Variants in CPQ observed in about 807,000 individuals in gnomAD.
CPQ encodes the protein carboxypeptidase Q.
A neutral mutation model predicts 45.7 loss-of-function variants in CPQ; 37 were observed. The ratio of observed to expected loss-of-function variants is 0.81; its 90% CI spans 0.62 to 1.07. The LOEUF is 1.07. Among genes scored for constraint, CPQ ranks in the 50% least tolerant of loss-of-function variants. The pLI is 0.00. For missense variants in CPQ, 537 were observed against 572.9 expected (o/e 0.94, Z 0.64); for synonymous variants, 186 against 205.8 (o/e 0.90, Z 0.82).
At chr8:96,830,729 C>T (rs1385000603) in intron 2 of CPQ, among the ~76,000 whole-genome samples, 6 of 152,182 alleles carry the variant, frequency 3.9e-5, no homozygotes, top group African/African-American at 1.4e-4. Context: ...GAGATTGGGA[C>T]CTAGTGTGAT....
chr8:96,674,153 C>T (rs1431580287), intron 1 of CPQ, among the ~76,000 whole-genome samples: 1 of 152,012 alleles, frequency 6.6e-6, no homozygotes, highest in Non-Finnish European at 1.5e-5. Flanking sequence ...ATACCCAAAG[C>T]TGGCATTACA....
chr8:96,761,599 G>C (rs1308468437), intron 1 of CPQ: 1 of 152,166 alleles, frequency 6.6e-6, no homozygotes, highest in Non-Finnish European at 1.5e-5. Context: ...ATCTGGCTCT[G>C]CAGTCACAGA....
chr8:96,768,911 A>T (rs948226163), intron 1 of CPQ, among the ~76,000 whole-genome samples: 1 of 152,228 alleles, frequency 6.6e-6, no homozygotes, highest in African/African-American at 2.4e-5. Context: ...ACTTGTTATT[A>T]ACTAGTTTAG....
At chr8:96,995,094 C>A (rs1468117801) in intron 5 of CPQ, among the ~76,000 whole-genome samples, 1 of 152,016 alleles carries the variant, frequency 6.6e-6, no homozygotes, top group Non-Finnish European at 1.5e-5. Flanking sequence ...TAGGCTCTTA[C>A]GTCAGACTAT....
At chr8:97,142,700 A>G (rs971515423) in intron 7 of CPQ, among the ~76,000 whole-genome samples, 1 of 152,202 alleles carries the variant, frequency 6.6e-6, no homozygotes, top group Admixed American at 6.5e-5. Context: ...CCACTCTGCC[A>G]TTTTTAGTTT....
intron 1 of CPQ, among the ~76,000 whole-genome samples, chr8:96,659,821 G>A (rs560320074): frequency 6.6e-6 from 1 of 152,130 alleles, no homozygotes; most frequent in African/African-American, 2.4e-5. Flanking sequence ...AAGGGCTGTT[G>A]TGTCTATGAA....
chr8:97,091,641 A>G (rs567341932), intron 7 of CPQ, among the ~76,000 whole-genome samples: 2 of 152,278 alleles, frequency 1.3e-5, no homozygotes, highest in Admixed American at 6.5e-5. Context: ...GCCATTGTCC[A>G]TTTATGATCA....
chr8:96,951,068 CA>C (rs1813256912), intron 4 of CPQ, among the ~76,000 whole-genome samples: 1 of 152,112 alleles, frequency 6.6e-6, no homozygotes, highest in South Asian at 2.1e-4. Context: ...AGAGTTAAAA[CA>C]GATGAAATAA....
intron 5 of CPQ, among the ~76,000 whole-genome samples, chr8:97,000,993 T>C (rs1168000527): frequency 6.6e-6 from 1 of 152,156 alleles, no homozygotes; most frequent in Non-Finnish European, 1.5e-5. Flanking sequence ...TTTATTCTTT[T>C]TGTGGCAATT....
At chr8:96,764,076 T>C (rs1255921147) in intron 1 of CPQ, among the ~76,000 whole-genome samples, 4 of 152,228 alleles carry the variant, frequency 2.6e-5, no homozygotes, top group Non-Finnish European at 5.9e-5. Flanking sequence ...TTACTTGTTA[T>C]AGCCCTCCTT....
At chr8:96,924,809 A>C (rs901970442) in intron 4 of CPQ, among the ~76,000 whole-genome samples, 1 of 152,200 alleles carries the variant, frequency 6.6e-6, no homozygotes, top group Non-Finnish European at 1.5e-5. Context: ...ACTTCTGTGG[A>C]TATTAATACT....
At chr8:97,129,627 A>G (rs1476937009) in intron 7 of CPQ, among the ~76,000 whole-genome samples, 1 of 152,196 alleles carries the variant, frequency 6.6e-6, no homozygotes, top group Non-Finnish European at 1.5e-5. Flanking sequence ...GCTCACAGCG[A>G]AACAGCCTGT....
At chr8:96,932,504 A>T (rs1163382764) in intron 4 of CPQ, among the ~76,000 whole-genome samples, 4 of 152,160 alleles carry the variant, frequency 2.6e-5, no homozygotes, top group Non-Finnish European at 5.9e-5. Context: ...AATTATACGA[A>T]CTAGAGTTCG....
rs571507120 is a variant in CPQ at position 96,893,146 on chromosome 8, A to G, written c.849+13141A>G. On this transcript the variant is annotated intron_variant, in intron 4 of 7. Transcript: ENST00000220763. The stretch of plus-strand genomic sequence containing the variant: ...AAAGCTTCTGAGTGGCTGAGCTGGG[A>G]TTTAAATTCATCTGTCCTATCCAAG... Among the ~76,000 whole-genome samples, 272 of 152,320 alleles carry G rather than the reference A, an allele frequency of 1.8e-3. 2 individuals are homozygous for G. The highest frequency in any genetic ancestry group is 6.1e-3 in the African/African-American group (254 of 41,566).
intron 5 of CPQ, among the ~76,000 whole-genome samples, chr8:96,991,811 T>C (rs1456087040): frequency 6.6e-6 from 1 of 152,116 alleles, no homozygotes; most frequent in Non-Finnish European, 1.5e-5. Context: ...ATCCTTATTA[T>C]GTTTGATGTT....
chr8:96,665,391 A>G (rs1808906671), intron 1 of CPQ, among the ~76,000 whole-genome samples: 1 of 152,236 alleles, frequency 6.6e-6, no homozygotes, highest in Non-Finnish European at 1.5e-5. Flanking sequence ...AAAGAATGTC[A>G]AGAGAACAGA....
intron 1 of CPQ, among the ~76,000 whole-genome samples, chr8:96,738,388 G>A (rs1331787929): frequency 6.6e-6 from 1 of 151,390 alleles, no homozygotes; most frequent in East Asian, 1.9e-4. Context: ...GTGTTATTAA[G>A]TGCATATATA....
At chr8:96,930,402 T>C (rs968024270) in intron 4 of CPQ, among the ~76,000 whole-genome samples, 1 of 152,218 alleles carries the variant, frequency 6.6e-6, no homozygotes, top group African/African-American at 2.4e-5. Context: ...CCCAGTGGAA[T>C]TGAAGTCCAC....
intron 1 of CPQ, among the ~76,000 whole-genome samples, chr8:96,777,739 TATATATA>T: frequency 1.2e-4 from 1 of 8,552 alleles, no homozygotes; most frequent in Admixed American, 1.6e-3. Flanking sequence ...TATATATATA[TATATATA>T]TATATATATA....
Sources: gnomAD v4.1 joint callset for allele counts (sites outside exome capture counted in the v4.1 genomes callset) on GRCh38, gnomAD v4.1.1 for gene constraint, MANE v1.5 for transcripts, NCBI Gene and HGNC (gene_info 2026-07-23, HGNC 2026-07-21) for gene names.